INAVA: variants seen among roughly 807,000 people sequenced by gnomAD.
INAVA encodes the protein innate immunity activator, also known as innate immunity activator protein.
INAVA carries 32 observed loss-of-function variants against 55.3 expected under a neutral mutation model. That is an observed-to-expected ratio of 0.58 (90% CI 0.44 to 0.78). The LOEUF is 0.78. Among genes scored for constraint, INAVA ranks in the 30% least tolerant of loss-of-function variants. The pLI is 0.00. For missense variants in INAVA, 756 were observed against 786.4 expected, an observed-to-expected ratio of 0.96 and a Z score of 0.46; for synonymous variants, 294 against 329.4, an observed-to-expected ratio of 0.89 and a Z score of 1.16.
At chr1:200,900,452 G>C (rs1300608798) in intron 4 of INAVA, among the ~76,000 whole-genome samples, 3 of 152,224 alleles carry the variant, frequency 2.0e-5, no homozygotes, top group Non-Finnish European at 4.4e-5. Flanking sequence ...CACTGGGTTT[G>C]ACCCCATTGG....
intron 5 of INAVA, among the ~76,000 whole-genome samples, chr1:200,902,215 A>C (rs1265530305): frequency 6.6e-6 from 1 of 151,442 alleles, no homozygotes; most frequent in Admixed American, 6.6e-5. Context: ...TGCCAAGACT[A>C]CTCCTCAGCC....
At chr1:200,903,081 AAGGGATC>A (rs1371008420) in intron 5 of INAVA, 1 of 152,244 alleles carries the variant, frequency 6.6e-6, no homozygotes, top group East Asian at 1.9e-4. Context: ...GAGAGCACAG[AAGGGATC>A]AGTTCTAGAC....
intron 4 of INAVA, among the ~76,000 whole-genome samples, chr1:200,900,713 G>C (rs896415816): frequency 6.6e-6 from 1 of 152,214 alleles, no homozygotes; most frequent in African/African-American, 2.4e-5. Flanking sequence ...TGGGCTGGTG[G>C]GTGGGTGCCC....
chr1:200,908,958 G>A lies in INAVA; in HGVS notation c.785+18G>A. The A allele has an allele frequency of 6.2e-7, 1 of 1,608,670 alleles. No individual in the cohort carries two copies. On this transcript the variant is annotated intron_variant, in intron 7 of 9. Transcript: ENST00000413687. ...GAGTCCAGGTCAGGATCAGGGGGAA[G>A]GGAGAAGGGCAGGGCAGGGCAGGGA... is the stretch of plus-strand genomic sequence containing the variant.
intron 5 of INAVA, among the ~76,000 whole-genome samples, 176 bp from the exon 6 acceptor site, chr1:200,907,658 C>T (rs185613868): frequency 0.015 from 2,074 of 137,634 alleles, 25 homozygotes; most frequent in Non-Finnish European, 0.024. Flanking sequence ...GACCCTGTCT[C>T]TTAAAAAAAA....
At chr1:200,907,514 C>T (rs1050063084) in intron 5 of INAVA, among the ~76,000 whole-genome samples, 12 of 152,160 alleles carry the variant, frequency 7.9e-5, no homozygotes, top group African/African-American at 2.9e-4. Context: ...AATAATTTAG[C>T]TGGGTGTGCT....
intron 8 of INAVA, among the ~76,000 whole-genome samples, 178 bp from the exon 9 acceptor site, chr1:200,911,275 G>A (rs1653709712): frequency 6.6e-6 from 1 of 152,132 alleles, no homozygotes. Flanking sequence ...CACCCACGCA[G>A]CCCGGCAGAG....
chr1:200,896,868 CGCGCTCTGAGGAG>C (rs1173316566), intron 1 of INAVA, among the ~76,000 whole-genome samples: 11 of 152,262 alleles, frequency 7.2e-5, no homozygotes, highest in African/African-American at 2.4e-4. Flanking sequence ...CCTGCGGCCC[CGCGCTCTGAGGAG>C]GCAGGATAGG....
At chr1:200,906,657 G>C (rs187753872) in intron 5 of INAVA, among the ~76,000 whole-genome samples, 3 of 152,168 alleles carry the variant, frequency 2.0e-5, no homozygotes, top group Admixed American at 2.0e-4. Flanking sequence ...CAGGTGACTT[G>C]CCAGATCACC....
intron 5 of INAVA, among the ~76,000 whole-genome samples, chr1:200,903,305 GA>G (rs1653341491): frequency 1.3e-5 from 2 of 152,074 alleles, no homozygotes; most frequent in African/African-American, 4.8e-5. Flanking sequence ...CCAACATAGT[GA>G]AACCCCATCT....
chr1:200,909,071 T>A, intron 7 of INAVA, 131 bp downstream of exon 7: 1 of 1,302,820 alleles, frequency 7.7e-7, no homozygotes, highest in Non-Finnish European at 1.0e-6. Flanking sequence ...AGTCGTGGGA[T>A]GGAGGTGTGA....
chr1:200,894,977 A>G lies in INAVA; in HGVS notation c.-205A>G, dbSNP rs1668311928. 1 of 985,536 alleles carries G rather than the reference A, an allele frequency of 1.0e-6. No individual in the cohort carries two copies. Among genetic ancestry groups the G allele is most frequent in the South Asian group, 4.7e-5 (1 of 21,284 alleles). The allele number at this position is 985,536 out of a possible 1,614,324, so 61.0% of individuals were successfully genotyped here. A position where few individuals can be genotyped will look rare whatever the true frequency, so the allele number is the denominator to read the frequency against. On this transcript the variant is annotated 5_prime_UTR_variant, in exon 1 of 10. Coordinates refer to ENST00000413687, the MANE Select transcript of INAVA (RefSeq NM_001142569.3). ...GCCAGCAGCTCCGTCAGCTGGAGAG[A>G]GAGCACAGGCCTGTGGCTTGGGAGA...
Position 200,913,719 on chromosome 1 carries a change from C to T in INAVA, c.*90C>T, listed in dbSNP as rs142342288. 9.4e-6 allele frequency: 10 copies of T among 1,064,266 alleles called. No homozygotes were observed. In the East Asian group the frequency reaches 2.2e-4, roughly 23 times the overall value. 65.9% of individuals were successfully genotyped at this position (1,064,266 alleles called of 1,614,324 possible). A position where few individuals can be genotyped will look rare whatever the true frequency, so the allele number is the denominator to read the frequency against. ...GAGTGCCTCTTTCAGCTCCCCCATC[C>T]CCATCGCAGGCCGATGACCTGGAGC... On this transcript the variant is annotated 3_prime_UTR_variant, in exon 10 of 10. Transcript: ENST00000413687.
intron 6 of INAVA, 154 bp from the exon 7 acceptor site, chr1:200,908,576 G>C (rs1653585390): frequency 1.6e-6 from 1 of 644,940 alleles, no homozygotes; most frequent in African/African-American, 1.9e-5. Flanking sequence ...AAGAAAACAT[G>C]TTTGAGCATC....
chr1:200,899,480 C>G lies in INAVA; in HGVS notation c.63C>G (p.Asp21Glu). 6.2e-7 allele frequency: 1 copy of G among 1,614,088 alleles called. No individual in the cohort carries two copies. Residue 21 changes from aspartate to glutamate, a missense_variant, in exon 3 of 10, where the codon GAC becomes GAG. By Grantham distance (45) the Asp-to-Glu change is conservative. Transcript: ENST00000413687. ...GCCCCCCAACCCTTGCAGGCCCCGA[C>G]AGCCCGGTCTCCCCAATGAAGGAGC... The part of the protein sequence containing the change: ...DSGIILQSGP[D>E]SPVSPMKELT...
upstream of INAVA, among the ~76,000 whole-genome samples, chr1:200,891,941 C>T (rs1668246947): frequency 1.3e-5 from 2 of 151,740 alleles, no homozygotes; most frequent in Non-Finnish European, 2.9e-5. Flanking sequence ...AGCCAGAAAG[C>T]AGCCAAACAA....
At chr1:200,895,136 G>A (rs1384322360) in intron 1 of INAVA, 49 bp downstream of exon 1, 6 of 986,120 alleles carry the variant, frequency 6.1e-6, no homozygotes, top group Non-Finnish European at 1.2e-6. Flanking sequence ...GAGCAGGCTG[G>A]CCTGGGAGTG....
chr1:200,899,747 T>C (rs1284131826), intron 3 of INAVA, 150 bp downstream of exon 3: 54 of 1,211,928 alleles, frequency 4.5e-5, no homozygotes, highest in Non-Finnish European at 5.8e-5. Flanking sequence ...GTCCCCATGA[T>C]GCAGTGTTTG....
upstream of INAVA, among the ~76,000 whole-genome samples, chr1:200,893,906 T>C (rs781385994): frequency 6.6e-6 from 1 of 150,570 alleles, no homozygotes; most frequent in Non-Finnish European, 1.5e-5. Context: ...CAGACATGTA[T>C]TGAGGCACTG....
Sources: allele counts gnomAD v4.1 joint callset (sites outside exome capture counted in the v4.1 genomes callset), GRCh38; gene constraint gnomAD v4.1.1; transcripts MANE v1.5; gene names NCBI Gene and HGNC (gene_info 2026-07-23, HGNC 2026-07-21).